The following SENP7 variants were observed in gnomAD, a reference collection of about 807,000 sequenced individuals.
The protein encoded by SENP7 is sentrin-specific protease 7.
SENP7 carries 64 observed loss-of-function variants against 141.2 expected under a neutral mutation model. That is an observed-to-expected ratio of 0.45 (90% CI 0.37 to 0.56). The LOEUF is 0.56. Among genes scored for constraint, SENP7 ranks in the 20% least tolerant of loss-of-function variants. SENP7 has a pLI of 0.00. For synonymous variants in SENP7, 382 were observed against 426.4 expected, an observed-to-expected ratio of 0.90 and a Z score of 1.28; for missense variants, 1,025 against 1,212.2, an observed-to-expected ratio of 0.85 and a Z score of 2.29.
At chr3:101,439,497 TG>T (rs1330177979) in intron 4 of SENP7, among the ~76,000 whole-genome samples, 1 of 22,364 alleles carries the variant, frequency 4.5e-5, no homozygotes. Context: ...GGGAGGGAGG[TG>T]GGGGGGTCAG....
At chr3:101,498,225 G>A (rs1288602179) in intron 2 of SENP7, among the ~76,000 whole-genome samples, 1 of 152,158 alleles carries the variant, frequency 6.6e-6, no homozygotes, top group Non-Finnish European at 1.5e-5. Flanking sequence ...AAAAGTTTGA[G>A]AAGAAATAGT....
At chr3:101,436,157 AGAACATACACTGATG>A (rs2062379910) in intron 4 of SENP7, among the ~76,000 whole-genome samples, 1 of 152,204 alleles carries the variant, frequency 6.6e-6, no homozygotes, top group Admixed American at 6.5e-5. Flanking sequence ...ACAGGTGCCA[AGAACATACACTGATG>A]GAAAGACACC....
chr3:101,422,062 G>T (rs192641351), intron 4 of SENP7, among the ~76,000 whole-genome samples: 6 of 152,214 alleles, frequency 3.9e-5, no homozygotes, highest in African/African-American at 1.4e-4. Flanking sequence ...GTGGGTGAGC[G>T]AGCATTACCG....
At chr3:101,326,152 T>C in intron 23 of SENP7, 72 bp from the exon 24 acceptor site, 1 of 1,271,236 alleles carries the variant, frequency 7.9e-7, no homozygotes, top group Non-Finnish European at 1.0e-6. Context: ...TTCATTTTTA[T>C]AAGAAATGAC....
At chr3:101,343,624 C>G (rs544019603) in intron 14 of SENP7, 62 bp downstream of exon 14, 2 of 1,500,196 alleles carry the variant, frequency 1.3e-6, no homozygotes, top group Admixed American at 2.1e-5. Flanking sequence ...AGCCTAATAT[C>G]AATGAATAAA....
intron 3 of SENP7, among the ~76,000 whole-genome samples, chr3:101,475,331 A>T (rs192376821): frequency 2.0e-5 from 3 of 152,346 alleles, no homozygotes; most frequent in African/African-American, 7.2e-5. Flanking sequence ...AGACTGGATT[A>T]AAAAAATGTG....
intron 6 of SENP7, among the ~76,000 whole-genome samples, chr3:101,388,985 T>C (rs1370973755): frequency 6.6e-6 from 1 of 152,010 alleles, no homozygotes; most frequent in African/African-American, 2.4e-5. Context: ...AAAGCCTACA[T>C]GACATATAAG....
chr3:101,363,191 T>C (rs1275391396), intron 10 of SENP7: 1 of 799,670 alleles, frequency 1.3e-6, no homozygotes, highest in Non-Finnish European at 1.5e-6. Context: ...ATTAATATCT[T>C]CTTATTCCCT....
intron 5 of SENP7, among the ~76,000 whole-genome samples, chr3:101,403,266 A>G (rs2061202543): frequency 1.3e-5 from 2 of 152,244 alleles, no homozygotes; most frequent in Admixed American, 1.3e-4. Context: ...CAATGGCACT[A>G]TGACTAAAAC....
chr3:101,371,967 G>GA, intron 7 of SENP7, 41 bp downstream of exon 7: 4 of 854,822 alleles, frequency 4.7e-6, no homozygotes, highest in Non-Finnish European at 6.9e-6. Flanking sequence ...AATACAATAA[G>GA]AAAAAATTCA....
rs779688726 is a variant in SENP7, at chr3:101,364,703, G to T, written c.1476+131C>A. ...GTATTTCACTCAAACTACTATAAAA[G>T]TTGTCTGAAAATTCAAACTAAGAAA... is the stretch of plus-strand genomic sequence containing the variant. On this transcript the variant is annotated intron_variant, in intron 10 of 23. Coordinates refer to ENST00000394095, the MANE Select transcript of SENP7 (RefSeq NM_020654.5). The T allele has an allele frequency of 4.2e-4, 250 of 588,730 alleles. 1 individual carries two copies. Among genetic ancestry groups the T allele is most frequent in the Non-Finnish European group, 6.2e-4 (222 of 358,666 alleles). The allele number at this position is 588,730 out of a possible 1,614,324, so 36.5% of individuals were successfully genotyped here.
chr3:101,354,577 A>T (rs2059690645), intron 11 of SENP7, among the ~76,000 whole-genome samples: 1 of 152,040 alleles, frequency 6.6e-6, no homozygotes, highest in Admixed American at 6.6e-5. Flanking sequence ...TTCCCGCAAA[A>T]GACATGATCT....
chr3:101,396,384 T>C (rs994734847), intron 6 of SENP7, among the ~76,000 whole-genome samples: 2 of 152,166 alleles, frequency 1.3e-5, no homozygotes, highest in African/African-American at 4.8e-5. Flanking sequence ...AACATAAATG[T>C]GCACTGACAT....
chr3:101,427,414 C>T (rs1038126601), intron 4 of SENP7, among the ~76,000 whole-genome samples: 6 of 148,402 alleles, frequency 4.0e-5, no homozygotes, highest in South Asian at 2.1e-4. Flanking sequence ...TGCTTAAACC[C>T]GGGAGGTGGC....
intron 17 of SENP7, among the ~76,000 whole-genome samples, chr3:101,333,917 TA>T (rs1176418292): frequency 1.3e-5 from 2 of 152,262 alleles, no homozygotes; most frequent in African/African-American, 2.4e-5. Flanking sequence ...GGGACAAGGT[TA>T]GGGGGGATGG....
intron 14 of SENP7, among the ~76,000 whole-genome samples, chr3:101,343,148 AT>A (rs2059371294): frequency 6.6e-6 from 1 of 152,204 alleles, no homozygotes. Flanking sequence ...GGTGATGTTC[AT>A]TTTGATAACT....
chr3:101,429,409 A>G (rs987294734), intron 4 of SENP7, among the ~76,000 whole-genome samples: 3 of 152,092 alleles, frequency 2.0e-5, no homozygotes, highest in Admixed American at 2.0e-4. Flanking sequence ...GGTCCTTCAC[A>G]TCCCTTGTAA....
chr3:101,360,049 G>A (rs2059853673), intron 11 of SENP7, among the ~76,000 whole-genome samples: 1 of 151,694 alleles, frequency 6.6e-6, no homozygotes, highest in African/African-American at 2.4e-5. Flanking sequence ...GAAATAACTG[G>A]GTAAACCTGA....
intron 4 of SENP7, among the ~76,000 whole-genome samples, chr3:101,436,006 T>C (rs779742706): frequency 1.3e-4 from 19 of 151,994 alleles, no homozygotes; most frequent in Non-Finnish European, 2.1e-4. Flanking sequence ...AAGAATCACA[T>C]TACCTGACTT....
Sources: allele counts gnomAD v4.1 joint callset (sites outside exome capture counted in the v4.1 genomes callset), GRCh38; gene constraint gnomAD v4.1.1; transcripts MANE v1.5; gene names NCBI Gene and HGNC (gene_info 2026-07-23, HGNC 2026-07-21).